HTR2C: variants seen among roughly 807,000 people sequenced by gnomAD.
HTR2C encodes the protein 5-hydroxytryptamine receptor 2C, also known as 5-hydroxytryptamine (serotonin) receptor 2C, G protein-coupled.
Under a neutral mutation model 21.0 loss-of-function variants are expected in HTR2C, and 5 were observed. That is an observed-to-expected ratio of 0.24 (90% CI 0.12 to 0.50). The LOEUF is 0.50. HTR2C is among the 20% of genes least tolerant of loss of function. HTR2C has a pLI of 0.98. For missense variants in HTR2C, 271 were observed against 371.2 expected (o/e 0.73, Z 2.22); for synonymous variants, 150 against 145.3 (o/e 1.03, Z -0.23).
intron 5 of HTR2C, among the ~76,000 whole-genome samples, chrX:114,869,681 A>G (rs2071076256): frequency 8.9e-6 from 1 of 111,922 alleles, no homozygotes; most frequent in South Asian, 3.7e-4. Flanking sequence ...TTGCTCTAGC[A>G]TGGACTTTCA....
intron 2 of HTR2C, among the ~76,000 whole-genome samples, chrX:114,653,747 G>T (rs1183899541): frequency 2.7e-5 from 3 of 110,287 alleles, no homozygotes; most frequent in African/African-American, 9.9e-5. Flanking sequence ...CTTTCTATAG[G>T]GTTGAATTGG....
chrX:114,808,498 G>T (rs1448038878), intron 4 of HTR2C, among the ~76,000 whole-genome samples: 2 of 111,520 alleles, frequency 1.8e-5, no homozygotes, highest in African/African-American at 6.5e-5. Flanking sequence ...TGGGATTGCT[G>T]GATCATATGG....
chrX:114,892,849 A>G (rs34466254), intron 5 of HTR2C, among the ~76,000 whole-genome samples: 4,615 of 110,033 alleles, frequency 0.042, 101 homozygotes, highest in Middle Eastern at 0.059. Flanking sequence ...TATTAATCCA[A>G]AAATAATCAC....
At position 114,906,699 on chromosome X, in the gene HTR2C, G is replaced by A. The variant is rs1556486892; in HGVS notation, c.661G>A (p.Val221Ile). The change falls in exon 6 of 6, where the codon GTA becomes ATA. Residue 221 changes from valine to isoleucine, a missense_variant. Physicochemically the swap from Val to Ile is conservative, Grantham distance 29. Coordinates refer to ENST00000276198, the MANE Select transcript of HTR2C (RefSeq NM_000868.4). Reference sequence around the variant, plus strand: ...AAATTTCGTTCTTATTGGGTCCTTCGTAGCTTTCTTCATACCGCTGACGAT... The same window carrying A: ...AAATTTCGTTCTTATTGGGTCCTTCATAGCTTTCTTCATACCGCTGACGAT... ...DPNFVLIGSFVAFFIPLTIMV... is the reference protein window; with the variant it reads ...DPNFVLIGSFIAFFIPLTIMV... The A allele has an allele frequency of 1.7e-6, 2 of 1,210,873 alleles. No homozygotes were observed. The highest frequency in any genetic ancestry group is 2.2e-5 in the Admixed American group (1 of 45,964).
At chrX:114,838,021 C>G (rs1320306986) in intron 4 of HTR2C, among the ~76,000 whole-genome samples, 2 of 110,931 alleles carry the variant, frequency 1.8e-5, no homozygotes, top group African/African-American at 6.5e-5. Flanking sequence ...TATTAAAAGA[C>G]CAAAAATTTC....
intron 5 of HTR2C, 24 bp from the exon 6 acceptor site, chrX:114,906,565 C>T: frequency 1.8e-6 from 2 of 1,084,302 alleles, no homozygotes; most frequent in South Asian, 2.1e-5. Flanking sequence ...GCTATAACAA[C>T]CCCCTTCCTT....
rs188502794 is a variant in HTR2C at position 114,705,191 on chromosome X, A to G, written c.-79-21667A>G. ...CAAGCTACCAAGGACTTTCTTCACAATATTGGAAAAAAATACTTTAAAGTT... is the reference window on the plus strand; with the variant it reads ...CAAGCTACCAAGGACTTTCTTCACAGTATTGGAAAAAAATACTTTAAAGTT... On this transcript the variant is annotated intron_variant, in intron 2 of 5. Transcript: ENST00000276198. Among the ~76,000 whole-genome samples the G allele has an allele frequency of 9.4e-3, 1,036 of 109,681 alleles. 18 individuals carry two copies. The highest frequency in any genetic ancestry group is 0.056 in the Admixed American group (566 of 10,029).
At chrX:114,614,589 G>A (rs1360985996) in intron 2 of HTR2C, among the ~76,000 whole-genome samples, 1 of 110,969 alleles carries the variant, frequency 9.0e-6, no homozygotes, top group Non-Finnish European at 1.9e-5. Flanking sequence ...TTATATCCAT[G>A]ATTGGGGTGT....
At chrX:114,821,758 T>G (rs949158571) in intron 4 of HTR2C, among the ~76,000 whole-genome samples, 1 of 111,901 alleles carries the variant, frequency 8.9e-6, no homozygotes, top group Non-Finnish European at 1.9e-5. Flanking sequence ...CTTTAGTTTT[T>G]AGTGAACATT....
intron 1 of HTR2C, among the ~76,000 whole-genome samples, chrX:114,593,688 TTAAC>T (rs1927721693): frequency 3.5e-5 from 1 of 28,532 alleles, no homozygotes; most frequent in Non-Finnish European, 7.1e-5. Context: ...AAATTTGGAG[TTAAC>T]TAGAACCTAA....
intron 5 of HTR2C, among the ~76,000 whole-genome samples, chrX:114,906,319 C>G (rs111645026): frequency 1.8e-5 from 2 of 111,561 alleles, no homozygotes; most frequent in South Asian, 3.8e-4. Context: ...TTGACACAAC[C>G]GTGTCTCTAA....
intron 5 of HTR2C, among the ~76,000 whole-genome samples, chrX:114,848,821 T>G (rs1012360476): frequency 8.1e-5 from 9 of 111,664 alleles, no homozygotes; most frequent in Non-Finnish European, 1.5e-4. Context: ...GGGAAAGAAA[T>G]GATCATTTAT....
At chrX:114,702,057 A>G (rs1556416920) in intron 2 of HTR2C, among the ~76,000 whole-genome samples, 2 of 108,834 alleles carry the variant, frequency 1.8e-5, no homozygotes, top group Non-Finnish European at 3.8e-5. Flanking sequence ...ATATGGGACT[A>G]TGTGAAAAGA....
At chrX:114,735,006 A>T (rs2069576650) in intron 4 of HTR2C, among the ~76,000 whole-genome samples, 2 of 111,647 alleles carry the variant, frequency 1.8e-5, no homozygotes, top group Admixed American at 9.6e-5. Context: ...AGCCCTTTTA[A>T]AAAATAAAAT....
chrX:114,740,616 A>G (rs2069635544), intron 4 of HTR2C, among the ~76,000 whole-genome samples: 2 of 111,650 alleles, frequency 1.8e-5, no homozygotes, highest in Non-Finnish European at 3.8e-5. Context: ...TATCCACAAA[A>G]TGGGATTTAT....
intron 2 of HTR2C, among the ~76,000 whole-genome samples, chrX:114,688,127 T>C (rs1266597760): frequency 1.8e-5 from 2 of 109,370 alleles, no homozygotes; most frequent in African/African-American, 6.7e-5. Flanking sequence ...TTGAGACCAG[T>C]CTGGCCAACA....
At chrX:114,806,999 C>A (rs1165542479) in intron 4 of HTR2C, among the ~76,000 whole-genome samples, 5 of 81,405 alleles carry the variant, frequency 6.1e-5, no homozygotes, top group African/African-American at 2.7e-4. Flanking sequence ...CATATATATA[C>A]CATATATATC....
chrX:114,763,643 C>T (rs2069904895), intron 4 of HTR2C, among the ~76,000 whole-genome samples: 1 of 111,071 alleles, frequency 9.0e-6, no homozygotes, highest in South Asian at 3.8e-4. Flanking sequence ...ACCCAAAAAA[C>T]ATCCCTCTGA....
intron 4 of HTR2C, among the ~76,000 whole-genome samples, chrX:114,836,297 C>T (rs1335499131): frequency 9.0e-6 from 1 of 111,576 alleles, no homozygotes; most frequent in Non-Finnish European, 1.9e-5. Flanking sequence ...GGGCGCCCCT[C>T]CCCCAGCCTC....
Sources: allele counts gnomAD v4.1 joint callset (sites outside exome capture counted in the v4.1 genomes callset), GRCh38; gene constraint gnomAD v4.1.1; transcripts MANE v1.5; gene names NCBI Gene and HGNC (gene_info 2026-07-23, HGNC 2026-07-21).